LRRTM4: variants seen among roughly 807,000 people sequenced by gnomAD.
LRRTM4 encodes the protein leucine rich repeat transmembrane neuronal 4, also known as leucine-rich repeat transmembrane neuronal protein 4.
A neutral mutation model predicts 47.6 loss-of-function variants in LRRTM4; 25 were observed. The ratio of observed to expected loss-of-function variants is 0.53; its 90% confidence interval spans 0.38 to 0.73. The LOEUF (loss-of-function observed/expected upper bound fraction) is 0.73. LRRTM4 is among the 30% of genes least tolerant of loss of function. The pLI, the probability that LRRTM4 is intolerant of heterozygous loss-of-function variation, is 0.00. For synonymous variants in LRRTM4, 311 were observed against 269.5 expected, an observed-to-expected ratio of 1.15 and a Z score of -1.51; for missense variants, 638 against 713.4, an observed-to-expected ratio of 0.89 and a Z score of 1.20.
chr2:77,300,325 C>T (rs1486339935), intron 3 of LRRTM4, among the ~76,000 whole-genome samples: 1 of 152,110 alleles, frequency 6.6e-6, no homozygotes, highest in African/African-American at 2.4e-5. Context: ...TTTAATGCTA[C>T]TATCTAGGTG....
rs1429061436 is a variant in LRRTM4 at position 77,139,867 on chromosome 2, A to T, written c.1551+378451T>A. The stretch of plus-strand genomic sequence containing the variant: ...AGAGCCAAATGATGAGTGAACTCCC[A>T]TTCACAATTGCTTCAAAGAGAATAA... On this transcript the variant is annotated intron_variant, in intron 3 of 3. Coordinates refer to ENST00000409884, the MANE Select transcript of LRRTM4 (RefSeq NM_001134745.3). Among the ~76,000 whole-genome samples the T allele has an allele frequency of 2.0e-5, 3 of 152,302 alleles. No individual in the cohort carries two copies. In the East Asian group the frequency reaches 5.8e-4, roughly 29 times the overall value.
chr2:77,336,223 GGAAA>G (rs1371511858), intron 3 of LRRTM4, among the ~76,000 whole-genome samples: 8 of 125,268 alleles, frequency 6.4e-5, no homozygotes, highest in Non-Finnish European at 1.1e-4. Flanking sequence ...AAGGGAGAAA[GGAAA>G]GAAAGGAAGG....
intron 3 of LRRTM4, among the ~76,000 whole-genome samples, chr2:76,858,270 GA>G (rs1287931854): frequency 1.3e-5 from 2 of 152,078 alleles, no homozygotes; most frequent in Non-Finnish European, 2.9e-5. Flanking sequence ...GTGAACGCCT[GA>G]AAAAACAAAA....
chr2:77,237,613 G>A (rs1675137416), intron 3 of LRRTM4, among the ~76,000 whole-genome samples: 1 of 151,956 alleles, frequency 6.6e-6, no homozygotes, highest in African/African-American at 2.4e-5. Flanking sequence ...TGCTAGCTTT[G>A]GGGGTGTTTA....
intron 3 of LRRTM4, among the ~76,000 whole-genome samples, chr2:77,165,035 G>A (rs1211037426): frequency 6.6e-6 from 1 of 151,804 alleles, no homozygotes; most frequent in East Asian, 1.9e-4. Flanking sequence ...CTCTTTTTTT[G>A]AAAAGATCAA....
At chr2:77,037,176 T>C (rs907867145) in intron 3 of LRRTM4, among the ~76,000 whole-genome samples, 6 of 151,770 alleles carry the variant, frequency 4.0e-5, no homozygotes, top group African/African-American at 1.4e-4. Context: ...ACTAATATTT[T>C]ATCCATTATA....
rs535857219 is a variant in LRRTM4 at position 77,164,659 on chromosome 2, C to A, written c.1551+353659G>T. ...AAACTAGAACTCAGGATTAAGAAAC[C>A]CACTCAAAACCGCTCAACTGCATAG... On this transcript the variant is annotated intron_variant, in intron 3 of 3. Coordinates refer to ENST00000409884, the MANE Select transcript of LRRTM4 (RefSeq NM_001134745.3). 2.6e-5 allele frequency among the ~76,000 whole-genome samples: 4 copies of A among 152,094 alleles called. No individual in the cohort carries two copies. In the East Asian group the frequency reaches 7.7e-4, roughly 29 times the overall value.
chr2:77,120,949 T>G (rs550701194), intron 3 of LRRTM4, among the ~76,000 whole-genome samples: 6 of 151,830 alleles, frequency 4.0e-5, no homozygotes, highest in Non-Finnish European at 7.4e-5. Flanking sequence ...CCTGAGTGTT[T>G]GGAATGATTT....
At chr2:77,400,768 C>G (rs1372624484) in intron 3 of LRRTM4, among the ~76,000 whole-genome samples, 1 of 151,760 alleles carries the variant, frequency 6.6e-6, no homozygotes, top group East Asian at 1.9e-4. Context: ...TAGAACACAG[C>G]AAATAAAATC....
intron 3 of LRRTM4, among the ~76,000 whole-genome samples, chr2:76,785,785 T>C (rs779560314): frequency 2.0e-4 from 30 of 152,228 alleles, no homozygotes; most frequent in Admixed American, 5.9e-4. Context: ...TTTAAACTTA[T>C]AGCATGGCTT....
At chr2:76,853,712 CATACAAT>C (rs1672064209) in intron 3 of LRRTM4, among the ~76,000 whole-genome samples, 1 of 152,130 alleles carries the variant, frequency 6.6e-6, no homozygotes, top group African/African-American at 2.4e-5. Flanking sequence ...GTATATTAGG[CATACAAT>C]ATATCACAAA....
intron 3 of LRRTM4, among the ~76,000 whole-genome samples, chr2:77,271,141 G>A (rs982173332): frequency 1.3e-5 from 2 of 152,038 alleles, no homozygotes; most frequent in South Asian, 2.1e-4. Flanking sequence ...AAAATTCTTC[G>A]CCTTCACAAC....
chr2:77,252,724 A>C (rs542816940), intron 3 of LRRTM4, among the ~76,000 whole-genome samples: 56 of 152,258 alleles, frequency 3.7e-4, no homozygotes, highest in Non-Finnish European at 6.3e-4. Context: ...GGGAGGGAAA[A>C]GAGTGGTGAC....
At chr2:77,017,837 A>C (rs933323891) in intron 3 of LRRTM4, among the ~76,000 whole-genome samples, 3 of 152,156 alleles carry the variant, frequency 2.0e-5, no homozygotes, top group African/African-American at 7.2e-5. Flanking sequence ...TGAGAACCCA[A>C]TCTACTTATA....
intron 3 of LRRTM4, among the ~76,000 whole-genome samples, chr2:77,481,869 T>C (rs1315954332): frequency 1.9e-5 from 1 of 52,848 alleles, no homozygotes; most frequent in Non-Finnish European, 6.1e-5. Context: ...GAGTGAAGGG[T>C]TTTTTTTTTT....
chr2:76,806,541 A>G (rs1379828871), intron 3 of LRRTM4, among the ~76,000 whole-genome samples: 1 of 152,174 alleles, frequency 6.6e-6, no homozygotes, highest in Non-Finnish European at 1.5e-5. Context: ...AGATCACGTC[A>G]TTGCACTCCA....
At chr2:77,054,635 T>G (rs1444432471) in intron 3 of LRRTM4, among the ~76,000 whole-genome samples, 1 of 152,186 alleles carries the variant, frequency 6.6e-6, no homozygotes, top group Non-Finnish European at 1.5e-5. Context: ...TCCCAATAAG[T>G]ACAGACATTA....
At chr2:77,356,044 T>A (rs1486222028) in intron 3 of LRRTM4, among the ~76,000 whole-genome samples, 1 of 152,108 alleles carries the variant, frequency 6.6e-6, no homozygotes. Context: ...CAGTGAGCCA[T>A]TAATGTGCCA....
At chr2:77,188,651 G>A (rs1217136418) in intron 3 of LRRTM4, among the ~76,000 whole-genome samples, 2 of 152,136 alleles carry the variant, frequency 1.3e-5, no homozygotes, top group Non-Finnish European at 2.9e-5. Flanking sequence ...CTTGAAGGAT[G>A]GCCCCCATCC....
Sources: gnomAD v4.1 joint callset for allele counts (sites outside exome capture counted in the v4.1 genomes callset) on GRCh38, gnomAD v4.1.1 for gene constraint, MANE v1.5 for transcripts, NCBI Gene and HGNC (gene_info 2026-07-23, HGNC 2026-07-21) for gene names.